NCKAP1: variants seen among roughly 807,000 people sequenced by gnomAD.
The protein encoded by NCKAP1 is NCK associated protein 1.
NCKAP1 carries 21 observed loss-of-function variants against 151.2 expected under a neutral mutation model. The ratio of observed to expected loss-of-function variants is 0.14; its 90% confidence interval spans 0.10 to 0.20. NCKAP1 has a LOEUF of 0.20. Among genes scored for constraint, NCKAP1 ranks in the 10% least tolerant of loss-of-function variants. The pLI, the probability that NCKAP1 is intolerant of heterozygous loss-of-function variation, is 1.00. For synonymous variants in NCKAP1, 484 were observed against 451.8 expected (o/e 1.07, Z -0.90); for missense variants, 933 against 1,352.1 (o/e 0.69, Z 4.86).
intron 8 of NCKAP1, among the ~76,000 whole-genome samples, chr2:182,991,311 A>T (rs181182054): frequency 5.3e-5 from 8 of 152,314 alleles, no homozygotes; most frequent in Middle Eastern, 3.4e-3. Flanking sequence ...TAATCCCAAC[A>T]CTATGGGAGG....
intron 1 of NCKAP1, chr2:183,024,907 G>A: frequency 6.5e-7 from 1 of 1,545,432 alleles, no homozygotes; most frequent in Non-Finnish European, 8.9e-7. Context: ...TGCAGAAAGA[G>A]AAGTTATGAA....
Position 183,038,188 on chromosome 2 carries a change from C to T in NCKAP1, c.-89G>A, listed in dbSNP as rs1265149251. ...GCAGCAGCCTCTCTCGGGCCTCCTC[C>T]CCTCCCGCCCGCGACCTCCGCCTTA... On this transcript the variant is annotated 5_prime_UTR_variant, in exon 1 of 31. Coordinates refer to ENST00000361354, the MANE Select transcript of NCKAP1 (RefSeq NM_013436.5). The T allele has an allele frequency of 2.7e-5, 24 of 889,230 alleles. No homozygotes were observed. The highest frequency in any genetic ancestry group is 2.0e-5 in the South Asian group (1 of 50,490). 55.1% of individuals were successfully genotyped at this position (889,230 alleles called of 1,614,324 possible).
intron 2 of NCKAP1, among the ~76,000 whole-genome samples, chr2:183,004,463 C>T (rs1449411898): frequency 3.4e-5 from 4 of 117,654 alleles, no homozygotes; most frequent in Middle Eastern, 5.6e-3. Flanking sequence ...TTTTTAACTA[C>T]GAAAAACCTA....
rs1696486216 is a variant in NCKAP1, at chr2:182,917,457, T to A, written c.*8245A>T. 1 of 152,242 alleles carries A rather than the reference T, an allele frequency of 6.6e-6. No individual in the cohort carries two copies. 9.4% of individuals were successfully genotyped at this position (152,242 alleles called of 1,614,324 possible). ...TAAATTACCTAACTCTTGAATAGGTTGAACCAGATAATCTCTAAGGCTCTT... is the reference window on the plus strand; with the variant it reads ...TAAATTACCTAACTCTTGAATAGGTAGAACCAGATAATCTCTAAGGCTCTT... On this transcript the variant is annotated 3_prime_UTR_variant, in exon 31 of 31. Transcript: ENST00000361354.
Position 182,964,657 on chromosome 2 carries a change from A to G in NCKAP1, c.1761+19T>C, listed in dbSNP as rs147824707. On this transcript the variant is annotated intron_variant, in intron 17 of 30. Coordinates refer to ENST00000361354, the MANE Select transcript of NCKAP1 (RefSeq NM_013436.5). ...TTACTTTGCATACCATATAACTCACAGTAGTACACTATAATTACCTCTTCT... is the reference window on the plus strand; with the variant it reads ...TTACTTTGCATACCATATAACTCACGGTAGTACACTATAATTACCTCTTCT... 38 of 1,568,050 alleles carry G rather than the reference A, an allele frequency of 2.4e-5. No individual in the cohort carries two copies. The highest frequency in any genetic ancestry group is 3.1e-5 in the Non-Finnish European group (36 of 1,158,578).
chr2:182,991,512 T>G (rs1698170297), intron 8 of NCKAP1, among the ~76,000 whole-genome samples: 1 of 152,022 alleles, frequency 6.6e-6, no homozygotes, highest in African/African-American at 2.4e-5. Flanking sequence ...TGAGCTGAGA[T>G]CATGCCACTG....
Position 182,986,901 on chromosome 2 carries a change from C to T in NCKAP1, c.948-674G>A, listed in dbSNP as rs758177603. Among the ~76,000 whole-genome samples the T allele has an allele frequency of 2.8e-4, 43 of 152,018 alleles. 1 individual carries two copies. The highest frequency in any genetic ancestry group is 3.4e-3 in the Middle Eastern group (1 of 294). On this transcript the variant is annotated intron_variant, in intron 9 of 30. Transcript: ENST00000361354. ...TAATAGATATAAAAACTCAAAATTC[C>T]TAAAATGTTAAAGAAAAAATATCTT... is the stretch of plus-strand genomic sequence containing the variant.
At chr2:183,034,020 T>C (rs1699054970) in intron 1 of NCKAP1, among the ~76,000 whole-genome samples, 2 of 152,158 alleles carry the variant, frequency 1.3e-5, no homozygotes, top group East Asian at 1.9e-4. Flanking sequence ...ATAATTATTT[T>C]CCTAAGCATC....
chr2:182,925,840 T>C, intron 30 of NCKAP1, 22 bp from the exon 31 acceptor site: 2 of 1,330,702 alleles, frequency 1.5e-6, no homozygotes, highest in Non-Finnish European at 2.1e-6. Context: ...AAAAAATCCA[T>C]CAAAACAAGT....
At chr2:182,999,048 G>T (rs1468776067) in intron 6 of NCKAP1, among the ~76,000 whole-genome samples, 1 of 151,984 alleles carries the variant, frequency 6.6e-6, no homozygotes. Context: ...TGGGATGGAG[G>T]AATCAATATC....
At chr2:183,009,844 G>C (rs1698559009) in intron 2 of NCKAP1, among the ~76,000 whole-genome samples, 2 of 152,120 alleles carry the variant, frequency 1.3e-5, no homozygotes, top group African/African-American at 4.8e-5. Flanking sequence ...TCCAAAACTT[G>C]AAACACTTCT....
In NCKAP1 at chr2:183,002,220, T is replaced by C. The variant is rs748091194; in HGVS notation, c.419A>G (p.Tyr140Cys). Residue 140 changes from tyrosine (Y) to cysteine (C), a missense_variant, in exon 5 of 31, where the codon TAT becomes TGT. Around this residue, in one of 2 missense-constraint regions of NCKAP1, gnomAD observed 607 missense variants for 795.0 expected, o/e 0.76. Coordinates refer to ENST00000361354, the MANE Select transcript of NCKAP1 (RefSeq NM_013436.5). ...TKNYLDLIITYTTLMILLSRI... is the reference protein window; with the variant it reads ...TKNYLDLIITCTTLMILLSRI... ...AGACAGCAGTATCATTAGTGTTGTA[T>C]AGGTTATAATTAAATCTAAGTAGTT... 36 of 1,574,206 alleles carry C rather than the reference T, an allele frequency of 2.3e-5. No individual in the cohort carries two copies. Among genetic ancestry groups the C allele is most frequent in the African/African-American group, 9.5e-5 (7 of 73,868 alleles).
chr2:183,037,737 C>A (rs1266284553), intron 1 of NCKAP1, among the ~76,000 whole-genome samples: 23 of 152,132 alleles, frequency 1.5e-4, no homozygotes, highest in Admixed American at 1.5e-3. Context: ...GTGCGAGGCC[C>A]AGCGCCCGAT....
At chr2:182,990,823 G>GAGAAGCA (rs1212677049) in intron 8 of NCKAP1, among the ~76,000 whole-genome samples, 2 of 152,150 alleles carry the variant, frequency 1.3e-5, no homozygotes, top group Non-Finnish European at 2.9e-5. Flanking sequence ...TGGGTCACTA[G>GAGAAGCA]AGAAGCAAGC....
In NCKAP1 at chr2:182,924,735, C is replaced by T. The variant is rs1165225683; in HGVS notation, c.*967G>A. 2 of 152,018 alleles carry T rather than the reference C, an allele frequency of 1.3e-5. No individual in the cohort carries two copies. The highest frequency in any genetic ancestry group is 2.9e-5 in the Non-Finnish European group (2 of 67,968). 9.4% of individuals were successfully genotyped at this position (152,018 alleles called of 1,614,324 possible). On this transcript the variant is annotated 3_prime_UTR_variant, in exon 31 of 31. Transcript: ENST00000361354. ...TTTTTCAATAAAATGTTTTTTAAAA[C>T]ATTTAAACAAATCATATAATAGCTG...
rs1206905115 is a variant in NCKAP1, at chr2:182,952,509, GA to G, written c.2504-8del. On this transcript the variant is annotated splice_region_variant and splice_polypyrimidine_tract_variant and intron_variant, in intron 22 of 30. Transcript: ENST00000361354. ...TCTGATAATGACCTCATTTCTGAAA[GA>G]AAACATACTTAATTTTATACTTCCG... The G allele has an allele frequency of 6.4e-7, 1 of 1,562,048 alleles. No individual in the cohort carries two copies. Among genetic ancestry groups the G allele is most frequent in the East Asian group, 2.3e-5 (1 of 44,300 alleles).
chr2:182,950,599 T>C (rs911695173), intron 23 of NCKAP1, among the ~76,000 whole-genome samples: 1 of 152,156 alleles, frequency 6.6e-6, no homozygotes, highest in African/African-American at 2.4e-5. Context: ...AACTTTATAT[T>C]TTAAGCCATC....
intron 2 of NCKAP1, among the ~76,000 whole-genome samples, chr2:183,011,193 C>T (rs1341167209): frequency 2.6e-5 from 4 of 152,190 alleles, no homozygotes; most frequent in Admixed American, 6.5e-5. Flanking sequence ...TAACCGGACT[C>T]AACAAGTTTG....
intron 8 of NCKAP1, 128 bp downstream of exon 8, chr2:182,994,711 G>GA: frequency 1.4e-6 from 1 of 715,834 alleles, no homozygotes. Context: ...TATGAGGACT[G>GA]AAAGAGGTAA....
Sources: gnomAD v4.1 joint callset for allele counts (sites outside exome capture counted in the v4.1 genomes callset) on GRCh38, gnomAD v4.1.1 for gene constraint, gnomAD v4.1.1 regional missense constraint, MANE v1.5 for transcripts, NCBI Gene and HGNC (gene_info 2026-07-23, HGNC 2026-07-21) for gene names.